The following MED1 variants were observed in gnomAD, a reference collection of about 807,000 sequenced individuals.
MED1 encodes the protein mediator complex subunit 1.
A neutral mutation model predicts 121.3 loss-of-function variants in MED1; 17 were observed. The ratio of observed to expected loss-of-function variants is 0.14; its 90% CI spans 0.10 to 0.21. The LOEUF is 0.21. MED1 is among the 10% of genes least tolerant of loss of function. The pLI is 1.00. For synonymous variants in MED1, 661 were observed against 694.4 expected (o/e 0.95, Z 0.76); for missense variants, 1,558 against 1,919.4 (o/e 0.81, Z 3.52).
intron 8 of MED1, 27 bp downstream of exon 8, chr17:39,431,915 G>A: frequency 1.3e-6 from 2 of 1,514,958 alleles, no homozygotes; most frequent in Non-Finnish European, 1.8e-6. Flanking sequence ...AAGGGATCAT[G>A]TAGAATTAAG....
At chr17:39,448,839 G>A (rs901345577) in intron 1 of MED1, among the ~76,000 whole-genome samples, 2 of 152,060 alleles carry the variant, frequency 1.3e-5, no homozygotes, top group African/African-American at 4.8e-5. Context: ...AACCCAGGAG[G>A]CGGAGGTTGC....
At chr17:39,414,823 T>C (rs1490125018) in intron 16 of MED1, among the ~76,000 whole-genome samples, 1 of 151,674 alleles carries the variant, frequency 6.6e-6, no homozygotes, top group Non-Finnish European at 1.5e-5. Flanking sequence ...GTGCCCGCCA[T>C]CGCGCCTGAC....
At chr17:39,442,628 G>A (rs1362112759) in intron 3 of MED1, among the ~76,000 whole-genome samples, 5 of 142,524 alleles carry the variant, frequency 3.5e-5, no homozygotes, top group African/African-American at 1.3e-4. Context: ...AAAACTTCGC[G>A]AGTTGCTGTG....
chr17:39,412,831 G>A lies in MED1; in HGVS notation c.1500-2110C>T, dbSNP rs545714384. Among the ~76,000 whole-genome samples the A allele has an allele frequency of 1.8e-4, 28 of 151,992 alleles. No individual in the cohort carries two copies. In the Middle Eastern group the frequency reaches 0.01, roughly 56 times the overall value. On this transcript the variant is annotated intron_variant, in intron 16 of 16. Coordinates refer to ENST00000300651, the MANE Select transcript of MED1 (RefSeq NM_004774.4). ...GATTACAGGGGTGACCCCCGCACCCGGCCGCAAATTTTTCTTATAAGGCCA... is the reference window on the plus strand; with the variant it reads ...GATTACAGGGGTGACCCCCGCACCCAGCCGCAAATTTTTCTTATAAGGCCA...
At chr17:39,433,546 T>TATATATATATATATATATATAC (rs540103395) in intron 7 of MED1, among the ~76,000 whole-genome samples, 2 of 150,528 alleles carry the variant, frequency 1.3e-5, no homozygotes, top group African/African-American at 4.9e-5. Context: ...TATATATATA[T>TATATATATATATATATATATAC]ACACACATAT....
chr17:39,445,982 T>G (rs1323816263), intron 2 of MED1, among the ~76,000 whole-genome samples: 2 of 143,318 alleles, frequency 1.4e-5, no homozygotes, highest in Non-Finnish European at 3.0e-5. Context: ...TGAGCCAAGA[T>G]CCCACCACTG....
intron 16 of MED1, among the ~76,000 whole-genome samples, chr17:39,412,164 T>C (rs1450417798): frequency 1.3e-5 from 2 of 152,050 alleles, no homozygotes; most frequent in Non-Finnish European, 2.9e-5. Context: ...CAGATAAATT[T>C]ATATTCATAA....
Position 39,435,100 on chromosome 17 carries a change from G to A in MED1, c.429-780C>T, listed in dbSNP as rs560818981. Among the ~76,000 whole-genome samples the A allele has an allele frequency of 4.8e-4, 73 of 152,190 alleles. 1 individual carries two copies. The highest frequency in any genetic ancestry group is 1.6e-3 in the African/African-American group (67 of 41,542). The stretch of plus-strand genomic sequence containing the variant: ...GGAGAACAGCATGAACCAAGAAGGC[G>A]GAGCTTGCAGTGAGCCGAGATCGCG... On this transcript the variant is annotated intron_variant, in intron 6 of 16. Transcript: ENST00000300651.
rs771689659 is a variant in MED1, at chr17:39,407,819, C to T, written c.4402G>A (p.Gly1468Ser). ...PQNLDSESESGSSIAEKSYQN... is the reference protein window; with the variant it reads ...PQNLDSESESSSSIAEKSYQN... ...TAAGATTTCTCTGCTATGGAGGAGC[C>T]TGACTCACTTTCACTGTCCAGATTC... The change falls in exon 17 of 17, where the codon GGC (glycine) becomes AGC (serine). Residue 1468 changes from glycine to serine, a missense_variant. This residue lies in a region of MED1 where 264 missense variants were observed against 326.1 expected (regional missense o/e 0.81). Coordinates refer to ENST00000300651, the MANE Select transcript of MED1 (RefSeq NM_004774.4). 5.0e-6 allele frequency: 8 copies of T among 1,614,130 alleles called. 1 individual carries two copies. The highest frequency in any genetic ancestry group is 5.9e-6 in the Non-Finnish European group (7 of 1,180,038).
chr17:39,448,725 C>T (rs1287755743), intron 1 of MED1, among the ~76,000 whole-genome samples: 1 of 152,022 alleles, frequency 6.6e-6, no homozygotes, highest in Non-Finnish European at 1.5e-5. Context: ...GCCTGACCAA[C>T]ACGGAGAAAC....
Position 39,405,341 on chromosome 17 carries a change from C to G in MED1, c.*2134G>C. ...GAAGACAGAAAGAGAGAAAAGCTTC[C>G]CAGTTTACTCATTTTGGTATTTGTT... On this transcript the variant is annotated 3_prime_UTR_variant, in exon 17 of 17. Transcript: ENST00000300651. 6.3e-7 allele frequency: 1 copy of G among 1,592,316 alleles called. No individual in the cohort carries two copies. The highest frequency in any genetic ancestry group is 8.6e-7 in the Non-Finnish European group (1 of 1,169,370).
At chr17:39,443,063 G>A (rs570928492) in intron 3 of MED1, among the ~76,000 whole-genome samples, 6 of 138,976 alleles carry the variant, frequency 4.3e-5, no homozygotes, top group Middle Eastern at 4.0e-3. Flanking sequence ...GTGTAATGGC[G>A]TGATTTTGGC....
In MED1 at chr17:39,451,135, T is replaced by G; in HGVS notation, c.-73A>C. 6.4e-7 allele frequency: 1 copy of G among 1,573,350 alleles called. No individual in the cohort carries two copies. ...CCCCACCACTAACGGAGGAAACAAG[T>G]TGGCTCGGGATCCCGGGACGCAGGG... On this transcript the variant is annotated 5_prime_UTR_variant, in exon 1 of 17. Transcript: ENST00000300651.
intron 1 of MED1, 132 bp downstream of exon 1, chr17:39,450,906 A>C: frequency 1.4e-6 from 1 of 708,538 alleles, no homozygotes; most frequent in Non-Finnish European, 2.4e-6. Context: ...ACAATCTAAA[A>C]CTAATACACA....
chr17:39,441,849 T>C (rs980044463), intron 3 of MED1, among the ~76,000 whole-genome samples: 1 of 152,008 alleles, frequency 6.6e-6, no homozygotes, highest in African/African-American at 2.4e-5. Context: ...ACGCCTGTAA[T>C]CCCAACACTT....
Position 39,405,113 on chromosome 17 carries a change from C to T in MED1, c.*2362G>A. ...TACACCTAGACAGGAGGGAGGTGTC[C>T]CAGGCTTGGTTTATTCTGCCTCTTC... On this transcript the variant is annotated 3_prime_UTR_variant, in exon 17 of 17. Transcript: ENST00000300651. 1 of 1,262,344 alleles carries T rather than the reference C, an allele frequency of 7.9e-7. No individual in the cohort carries two copies. The allele number at this position is 1,262,344 out of a possible 1,614,324, so 78.2% of individuals were successfully genotyped here. A position where few individuals can be genotyped will look rare whatever the true frequency, so the allele number is the denominator to read the frequency against.
chr17:39,417,069 G>A (rs1168509953), intron 14 of MED1, among the ~76,000 whole-genome samples: 1 of 152,078 alleles, frequency 6.6e-6, no homozygotes, highest in Non-Finnish European at 1.5e-5. Flanking sequence ...GGTGGCTCAC[G>A]CATGTAATCC....
chr17:39,438,837 C>T (rs560309824), intron 6 of MED1, among the ~76,000 whole-genome samples: 1 of 152,138 alleles, frequency 6.6e-6, no homozygotes, highest in Non-Finnish European at 1.5e-5. Context: ...CAGTCCCAGC[C>T]GCTCTGGAGG....
Position 39,427,800 on chromosome 17 carries a change from A to C in MED1, c.650-10T>G, listed in dbSNP as rs745939672. ...AGGTTCATTAAATGACCTATAAAAA[A>C]TAAAACTCATAACTGTATCTTTATC... On this transcript the variant is annotated splice_polypyrimidine_tract_variant and intron_variant, in intron 9 of 16. Transcript: ENST00000300651. The C allele has an allele frequency of 1.2e-5, 18 of 1,488,810 alleles. No individual in the cohort carries two copies. The highest frequency in any genetic ancestry group is 1.6e-5 in the Non-Finnish European group (17 of 1,073,754). The allele number at this position is 1,488,810 out of a possible 1,614,324, so 92.2% of individuals were successfully genotyped here.
Sources: gnomAD v4.1 joint callset for allele counts (sites outside exome capture counted in the v4.1 genomes callset) on GRCh38, gnomAD v4.1.1 for gene constraint, gnomAD v4.1.1 regional missense constraint, MANE v1.5 for transcripts, NCBI Gene and HGNC (gene_info 2026-07-23, HGNC 2026-07-21) for gene names.